Variants in DNAJC13 observed in about 807,000 individuals in gnomAD.
The protein encoded by DNAJC13 is dnaJ homolog subfamily C member 13.
In DNAJC13, 75 loss-of-function variants were observed where a neutral mutation model predicts 290.5. The ratio of observed to expected loss-of-function variants is 0.26; its 90% confidence interval spans 0.21 to 0.31. The LOEUF is 0.31. DNAJC13 is among the 10% of genes least tolerant of loss of function. The probability of loss-of-function intolerance (pLI) is 1.00; values close to 1 mark genes in which losing one functional copy is unlikely to be tolerated. For synonymous variants in DNAJC13, 862 were observed against 892.0 expected (o/e 0.97, Z 0.60); for missense variants, 2,260 against 2,674.5 (o/e 0.85, Z 3.42).
At chr3:132,470,741 C>T (rs1240915557) in intron 20 of DNAJC13, among the ~76,000 whole-genome samples, 7 of 103,186 alleles carry the variant, frequency 6.8e-5, no homozygotes, top group East Asian at 3.0e-4. Flanking sequence ...TAGGGGCGGC[C>T]GGGCAGAGGC....
At position 132,513,095 on chromosome 3, in the gene DNAJC13, T is replaced by C; in HGVS notation, c.5381T>C (p.Leu1794Ser). Residue 1794 changes from leucine (L) to serine (S), a missense_variant, in exon 45 of 56, where the codon TTA becomes TCA. Leu to Ser is a moderately radical substitution (Grantham distance 145, BLOSUM62 -2). Transcript: ENST00000260818. ...HGAGQVQQLA[L>S]EVVNIVTSNQ... ...GCTGGTCAAGTGCAGCAGTTGGCTT[T>C]AGAGGTAAAAGCGTTTTGTACTAAA... 1 of 1,613,130 alleles carries C rather than the reference T, an allele frequency of 6.2e-7. No individual in the cohort carries two copies. The highest frequency in any genetic ancestry group is 8.5e-7 in the Non-Finnish European group (1 of 1,179,308).
chr3:132,420,095 A>G (rs767446918), intron 1 of DNAJC13, among the ~76,000 whole-genome samples: 3 of 152,240 alleles, frequency 2.0e-5, no homozygotes, highest in Non-Finnish European at 2.9e-5. Flanking sequence ...TACAGAGAGT[A>G]GATGTCAATT....
intron 1 of DNAJC13, among the ~76,000 whole-genome samples, chr3:132,422,311 A>C (rs1938984068): frequency 6.6e-6 from 1 of 152,178 alleles, no homozygotes; most frequent in South Asian, 2.1e-4. Context: ...TGCTGGGATT[A>C]CAGGTGTGAG....
rs1164522994 is a variant in DNAJC13 at position 132,471,386 on chromosome 3, G to A, written c.2209-1759G>A. On this transcript the variant is annotated intron_variant, in intron 20 of 55. Coordinates refer to ENST00000260818, the MANE Select transcript of DNAJC13 (RefSeq NM_015268.4). ...CTCCCGGACGGGGTGGCTGCCGGGCGGAGATGCTCCTCACTTCCCAGATGG... is the reference window on the plus strand; with the variant it reads ...CTCCCGGACGGGGTGGCTGCCGGGCAGAGATGCTCCTCACTTCCCAGATGG... Among the ~76,000 whole-genome samples, 847 of 146,174 alleles carry A rather than the reference G, an allele frequency of 5.8e-3. 7 individuals are homozygous for A. The highest frequency in any genetic ancestry group is 9.3e-3 in the Non-Finnish European group (611 of 65,414).
intron 15 of DNAJC13, 71 bp from the exon 16 acceptor site, chr3:132,462,396 G>T: frequency 7.0e-7 from 1 of 1,433,112 alleles, no homozygotes; most frequent in Non-Finnish European, 9.7e-7. Context: ...CCCTTCTTAA[G>T]AGTAACAGCT....
At chr3:132,499,645 A>G (rs777407370) in intron 37 of DNAJC13, 89 bp from the exon 38 acceptor site, 9 of 1,066,300 alleles carry the variant, frequency 8.4e-6, no homozygotes, top group Non-Finnish European at 1.1e-5. Flanking sequence ...TTAACATTAA[A>G]GGGTTATTTA....
At chr3:132,463,867 T>C (rs1237825041) in intron 17 of DNAJC13, 50 bp downstream of exon 17, 1 of 1,575,344 alleles carries the variant, frequency 6.3e-7, no homozygotes, top group African/African-American at 1.4e-5. Flanking sequence ...GTCTAGAGAA[T>C]TGATTCAGAT....
At chr3:132,488,478 T>G in intron 30 of DNAJC13, 26 bp downstream of exon 30, 1 of 1,572,882 alleles carries the variant, frequency 6.4e-7, no homozygotes, top group South Asian at 1.2e-5. Flanking sequence ...GTAATCTATT[T>G]AAAAGTATTA....
chr3:132,426,729 CT>C, intron 1 of DNAJC13, among the ~76,000 whole-genome samples: 1 of 151,706 alleles, frequency 6.6e-6, no homozygotes, highest in South Asian at 2.1e-4. Flanking sequence ...TTTTGAATCA[CT>C]TTTAGAGCTT....
chr3:132,498,771 A>C (rs1443594134), intron 36 of DNAJC13, among the ~76,000 whole-genome samples: 1 of 151,450 alleles, frequency 6.6e-6, no homozygotes, highest in East Asian at 1.9e-4. Flanking sequence ...GCTGGAGTGC[A>C]GTGGTGCCAT....
At chr3:132,499,462 G>T in intron 37 of DNAJC13, 152 bp downstream of exon 37, 1 of 766,272 alleles carries the variant, frequency 1.3e-6, no homozygotes, top group Non-Finnish European at 2.0e-6. Context: ...CAAATTAAAG[G>T]TAGAAATGGA....
At position 132,479,329 on chromosome 3, in the gene DNAJC13, CAT is replaced by C. The variant is rs754148328; in HGVS notation, c.2772+44_2772+45del. 1.2e-5 allele frequency: 16 copies of C among 1,327,292 alleles called. No individual in the cohort carries two copies. In the South Asian group the frequency reaches 1.9e-4, roughly 16 times the overall value. 82.2% of individuals were successfully genotyped at this position (1,327,292 alleles called of 1,614,324 possible). ...CATACATACATTGTTATTTCCAAGTCATATAAGTATGTAAGATAAACTCACAG... is the reference window on the plus strand; with the variant it reads ...CATACATACATTGTTATTTCCAAGTCATAAGTATGTAAGATAAACTCACAG... On this transcript the variant is annotated intron_variant, in intron 25 of 55. Transcript: ENST00000260818.
chr3:132,493,960 A>C (rs1935147463), intron 33 of DNAJC13, among the ~76,000 whole-genome samples, 184 bp from the exon 34 acceptor site: 1 of 152,144 alleles, frequency 6.6e-6, no homozygotes, highest in African/African-American at 2.4e-5. Flanking sequence ...TGTAACAAAT[A>C]CCTTGCTCTG....
chr3:132,432,502 G>A (rs980917518), intron 1 of DNAJC13, among the ~76,000 whole-genome samples: 38 of 152,240 alleles, frequency 2.5e-4, no homozygotes, highest in Middle Eastern at 3.4e-3. Flanking sequence ...ACCGCTCCCG[G>A]CCTCTACAAT....
intron 2 of DNAJC13, among the ~76,000 whole-genome samples, chr3:132,442,727 T>G (rs1933111687): frequency 1.3e-5 from 2 of 152,170 alleles, no homozygotes; most frequent in Admixed American, 6.5e-5. Flanking sequence ...TACAATAAGC[T>G]TGTGAGTTGT....
chr3:132,502,546 C>G, intron 40 of DNAJC13, 78 bp downstream of exon 40: 1 of 1,273,238 alleles, frequency 7.9e-7, no homozygotes, highest in Non-Finnish European at 1.1e-6. Flanking sequence ...ACCAAAGCTG[C>G]TATCCAGAGT....
intron 26 of DNAJC13, among the ~76,000 whole-genome samples, chr3:132,481,737 T>A (rs1285564725): frequency 6.6e-6 from 1 of 152,230 alleles, no homozygotes; most frequent in Non-Finnish European, 1.5e-5. Flanking sequence ...ATAAAACCAC[T>A]GAAAACTAAC....
intron 20 of DNAJC13, 42 bp from the exon 21 acceptor site, chr3:132,473,103 G>T: frequency 7.4e-7 from 1 of 1,353,108 alleles, no homozygotes; most frequent in Non-Finnish European, 1.0e-6. Context: ...AGCCTATTTG[G>T]TAGCCCCAGA....
intron 1 of DNAJC13, among the ~76,000 whole-genome samples, chr3:132,424,404 A>C (rs1939039161): frequency 6.6e-6 from 1 of 152,072 alleles, no homozygotes; most frequent in Admixed American, 6.5e-5. Context: ...AGAAGAGGTC[A>C]AAAAAAGTAA....
Sources: gnomAD v4.1 joint callset for allele counts (sites outside exome capture counted in the v4.1 genomes callset) on GRCh38, gnomAD v4.1.1 for gene constraint, MANE v1.5 for transcripts, NCBI Gene and HGNC (gene_info 2026-07-23, HGNC 2026-07-21) for gene names.